Variants in AMOTL1 observed in about 807,000 individuals in gnomAD.
AMOTL1 encodes angiomotin like 1, also known as angiomotin-like protein 1.
In AMOTL1, 45 loss-of-function variants were observed where a neutral mutation model predicts 102.9. That is an observed-to-expected ratio of 0.44 (90% CI 0.34 to 0.56). The LOEUF (loss-of-function observed/expected upper bound fraction) is 0.56. Among genes scored for constraint, AMOTL1 ranks in the 20% least tolerant of loss-of-function variants. The pLI is 0.01. For missense variants in AMOTL1, 1,114 were observed against 1,225.6 expected (o/e 0.91, Z 1.36); for synonymous variants, 481 against 484.7 (o/e 0.99, Z 0.10).
Position 94,870,785 on chromosome 11 carries a change from T to G in AMOTL1, c.2861T>G (p.Val954Gly). Residue 954 changes from valine to glycine, a missense_variant, in exon 13 of 13, where the codon GTC (valine) becomes GGC (glycine). Transcript: ENST00000433060. The part of the protein sequence containing the change: ...PEFPDGEMME[V>G]LI ...TTCCCTGATGGAGAGATGATGGAAG[T>G]CCTCATCTAACTGCCATCCCTGTGG... is the stretch of plus-strand genomic sequence containing the variant. 1.3e-6 allele frequency: 2 copies of G among 1,594,872 alleles called. No homozygotes were observed. The highest frequency in any genetic ancestry group is 1.1e-5 in the South Asian group (1 of 87,682).
At chr11:94,743,974 T>A (rs1950561051) in intron 3 of AMOTL1, among the ~76,000 whole-genome samples, 1 of 152,168 alleles carries the variant, frequency 6.6e-6, no homozygotes, top group South Asian at 2.1e-4. Context: ...GTACTCACAA[T>A]ACTTCTGACA....
chr11:94,762,356 TA>T (rs1417720966), intron 3 of AMOTL1, among the ~76,000 whole-genome samples: 1 of 152,186 alleles, frequency 6.6e-6, no homozygotes, highest in African/African-American at 2.4e-5. Context: ...TTTTGCCCCC[TA>T]GGGGACATTT....
chr11:94,795,366 ACT>A (rs1053422470), intron 2 of AMOTL1, among the ~76,000 whole-genome samples: 3 of 151,880 alleles, frequency 2.0e-5, no homozygotes, highest in African/African-American at 7.3e-5. Context: ...CTAATATGTG[ACT>A]CTGTCTGAGA....
chr11:94,801,229 T>C (rs1473683680), intron 3 of AMOTL1, among the ~76,000 whole-genome samples: 1 of 152,174 alleles, frequency 6.6e-6, no homozygotes, highest in African/African-American at 2.4e-5. Flanking sequence ...GAAGTAGCAG[T>C]ATGTGCTGTG....
intron 3 of AMOTL1, among the ~76,000 whole-genome samples, chr11:94,805,607 T>C (rs908129459): frequency 6.6e-6 from 1 of 152,244 alleles, no homozygotes; most frequent in African/African-American, 2.4e-5. Context: ...TCTCTCAGCC[T>C]GTACATTGCC....
At chr11:94,820,364 C>T (rs1951842356) in intron 3 of AMOTL1, 1 of 152,470 alleles carries the variant, frequency 6.6e-6, no homozygotes, top group Non-Finnish European at 1.5e-5. Context: ...CAGCTCCTCC[C>T]CTGGCCTCTG....
intron 1 of AMOTL1, among the ~76,000 whole-genome samples, chr11:94,768,837 C>T (rs1475404251): frequency 6.6e-6 from 1 of 152,056 alleles, no homozygotes; most frequent in Non-Finnish European, 1.5e-5. Flanking sequence ...GCTGCGCGCC[C>T]GACGCGGGGC....
chr11:94,713,954 GA>G (rs1488723039), intron 1 of AMOTL1, among the ~76,000 whole-genome samples: 1 of 151,964 alleles, frequency 6.6e-6, no homozygotes, highest in Non-Finnish European at 1.5e-5. Flanking sequence ...AGATAAGACA[GA>G]AATCCTTTCC....
At chr11:94,757,692 A>G (rs899102726) in intron 3 of AMOTL1, among the ~76,000 whole-genome samples, 2 of 152,230 alleles carry the variant, frequency 1.3e-5, no homozygotes, top group Non-Finnish European at 2.9e-5. Context: ...GGCAGGCCTC[A>G]GAGTGCTTTC....
chr11:94,868,836 A>G (rs1565389747), intron 11 of AMOTL1, among the ~76,000 whole-genome samples: 1 of 152,120 alleles, frequency 6.6e-6, no homozygotes, highest in East Asian at 1.9e-4. Flanking sequence ...CCTGCTGGCA[A>G]TTAGGCACTT....
intron 3 of AMOTL1, among the ~76,000 whole-genome samples, chr11:94,806,192 G>A (rs938808924): frequency 2.0e-5 from 3 of 152,230 alleles, no homozygotes; most frequent in Non-Finnish European, 2.9e-5. Flanking sequence ...CCTGTCCTCA[G>A]GGAACCCTGT....
At chr11:94,779,136 T>C (rs977006176) in intron 1 of AMOTL1, among the ~76,000 whole-genome samples, 7 of 152,206 alleles carry the variant, frequency 4.6e-5, no homozygotes, top group Admixed American at 2.0e-4. Flanking sequence ...ACAGTCATCA[T>C]CATTATCATG....
In AMOTL1 at chr11:94,722,871, C is replaced by A. The variant is rs539074885; in HGVS notation, c.-50-6050C>A. 2.0e-4 allele frequency among the ~76,000 whole-genome samples: 30 copies of A among 152,228 alleles called. No individual in the cohort carries two copies. The South Asian group carries it at 5.6e-3, about 28-fold the overall frequency. ...AGTTCTATTTCATACCCATAAAAAACTAAGCTCTGGGGAGATAAGGTGATT... is the reference window on the plus strand; with the variant it reads ...AGTTCTATTTCATACCCATAAAAAAATAAGCTCTGGGGAGATAAGGTGATT... On this transcript the variant is annotated intron_variant, in intron 1 of 4. Transcript: ENST00000299004.
chr11:94,766,468 T>C (rs901767772), upstream of AMOTL1, among the ~76,000 whole-genome samples: 3 of 152,222 alleles, frequency 2.0e-5, no homozygotes, highest in Non-Finnish European at 2.9e-5. Context: ...CATGCCTGTT[T>C]TGTTCTAAAC....
intron 3 of AMOTL1, among the ~76,000 whole-genome samples, chr11:94,808,586 T>C (rs748585868): frequency 2.6e-5 from 4 of 152,182 alleles, no homozygotes; most frequent in African/African-American, 4.8e-5. Flanking sequence ...TGCTTGAGAA[T>C]CTGGGGACCC....
At chr11:94,816,078 T>C (rs1224211415) in intron 3 of AMOTL1, among the ~76,000 whole-genome samples, 1 of 152,200 alleles carries the variant, frequency 6.6e-6, no homozygotes, top group Non-Finnish European at 1.5e-5. Flanking sequence ...TGAAACTTTT[T>C]TTAAGATATT....
intron 8 of AMOTL1, among the ~76,000 whole-genome samples, 174 bp downstream of exon 8, chr11:94,854,256 C>T (rs1170470729): frequency 6.6e-6 from 1 of 152,216 alleles, no homozygotes; most frequent in Non-Finnish European, 1.5e-5. Context: ...GAGCAGTCCG[C>T]TCACTGGAGT....
intron 1 of AMOTL1, among the ~76,000 whole-genome samples, chr11:94,715,355 G>T (rs1207610411): frequency 6.6e-6 from 1 of 151,992 alleles, no homozygotes; most frequent in Non-Finnish European, 1.5e-5. Context: ...TTCTTTTGTA[G>T]AACTGGGGTC....
chr11:94,824,268 T>C lies in AMOTL1; in HGVS notation c.1413+2447T>C, dbSNP rs763815010. Among the ~76,000 whole-genome samples, 45 of 152,316 alleles carry C rather than the reference T, an allele frequency of 3.0e-4. No individual in the cohort carries two copies. In the Middle Eastern group the frequency reaches 0.014, roughly 46 times the overall value. ...GTAAGTCCTCACTTAATATCATCAA[T>C]AGGTTCTTGGAAGCTACAATTTTAA... On this transcript the variant is annotated intron_variant, in intron 4 of 12. Transcript: ENST00000433060.
Sources: gnomAD v4.1 joint callset for allele counts (sites outside exome capture counted in the v4.1 genomes callset) on GRCh38, gnomAD v4.1.1 for gene constraint, MANE v1.5 for transcripts, NCBI Gene and HGNC (gene_info 2026-07-23, HGNC 2026-07-21) for gene names.